The following FSIP2 variants were observed in gnomAD, a reference collection of about 807,000 sequenced individuals.
The protein encoded by FSIP2 is fibrous sheath-interacting protein 2.
Under a neutral mutation model 510.5 loss-of-function variants are expected in FSIP2, and 367 were observed. That is an observed-to-expected ratio of 0.72 (90% confidence interval 0.66 to 0.78). The LOEUF (loss-of-function observed/expected upper bound fraction) is 0.78, where lower values mean the gene tolerates loss of function less well. Among genes scored for constraint, FSIP2 ranks in the 30% least tolerant of loss-of-function variants. FSIP2 has a pLI of 0.00. For synonymous variants in FSIP2, 2,601 were observed against 2,732.2 expected, an observed-to-expected ratio of 0.95 and a Z score of 1.50; for missense variants, 7,594 against 7,901.7, an observed-to-expected ratio of 0.96 and a Z score of 1.48.
intron 6 of FSIP2, 66 bp from the exon 7 acceptor site, chr2:185,747,247 G>A: frequency 1.1e-6 from 1 of 911,510 alleles, no homozygotes; most frequent in Non-Finnish European, 1.7e-6. Flanking sequence ...TTTTTGGTGG[G>A]ACAAAATACA....
Position 185,790,958 on chromosome 2 carries a change from T to G in FSIP2, c.3822T>G (p.Phe1274Leu), listed in dbSNP as rs1466972312. The change falls in exon 16 of 23, where the codon TTT (phenylalanine) becomes TTG (leucine). Residue 1274 changes from phenylalanine to leucine, a missense_variant. Phe to Leu is a conservative substitution (Grantham distance 22). Transcript: ENST00000424728. ...CAATTTTTAAAAGACTGAAGTCATT[T>G]ATTTGTCCAAAATTGCATATGGGCT... ...IRTIFKRLKS[F>L]ICPKLHMGFK... 2 of 1,526,454 alleles carry G rather than the reference T, an allele frequency of 1.3e-6. No individual in the cohort carries two copies. The highest frequency in any genetic ancestry group is 4.9e-5 in the East Asian group (2 of 40,788). The allele number at this position is 1,526,454 out of a possible 1,614,324, so 94.6% of individuals were successfully genotyped here.
intron 17 of FSIP2, among the ~76,000 whole-genome samples, chr2:185,812,221 G>T: frequency 6.6e-6 from 1 of 152,058 alleles, no homozygotes; most frequent in East Asian, 1.9e-4. Flanking sequence ...GGCCTTGAGA[G>T]CCCCACCCCT....
Position 185,806,481 on chromosome 2 carries a change from G to A in FSIP2, c.17175G>A (p.Ser5725=), listed in dbSNP as rs371077576. The A allele has an allele frequency of 2.9e-5, 46 of 1,609,376 alleles. No individual in the cohort carries two copies. Among genetic ancestry groups the A allele is most frequent in the South Asian group, 1.7e-4 (15 of 90,456 alleles). Residue 5725 remains serine, a synonymous_variant, in exon 17 of 23, where the codon TCG becomes TCA. Coordinates refer to ENST00000424728, the MANE Select transcript of FSIP2 (RefSeq NM_173651.4). ...LNVIQEISRD[S]AQSVTTKKVS... is the part of the protein sequence containing the mutation. ...TAATTCAAGAGATTAGCAGGGATTC[G>A]GCACAGTCTGTTACAACAAAAAAAG... is the stretch of plus-strand genomic sequence containing the variant.
intron 21 of FSIP2, among the ~76,000 whole-genome samples, chr2:185,831,286 T>C (rs1175707023): frequency 6.6e-6 from 1 of 151,828 alleles, no homozygotes; most frequent in Non-Finnish European, 1.5e-5. Context: ...ATTGCTGCTC[T>C]TGCATTCAAA....
intron 13 of FSIP2, among the ~76,000 whole-genome samples, chr2:185,769,396 T>C (rs1018784997): frequency 2.0e-5 from 3 of 152,236 alleles, no homozygotes; most frequent in African/African-American, 7.2e-5. Context: ...TATTGGGCTT[T>C]TTTAAATATG....
chr2:185,813,295 C>T (rs1368192726), intron 17 of FSIP2, among the ~76,000 whole-genome samples: 2 of 151,930 alleles, frequency 1.3e-5, no homozygotes, highest in Non-Finnish European at 1.5e-5. Context: ...CTAAACCTTG[C>T]TCTGACTTTT....
chr2:185,770,200 A>G (rs11902553), intron 13 of FSIP2, among the ~76,000 whole-genome samples: 6,817 of 152,262 alleles, frequency 0.045, 504 homozygotes, highest in African/African-American at 0.16. Flanking sequence ...CTTCCTATCT[A>G]TGAGCATAGT....
chr2:185,782,837 G>C lies in FSIP2; in HGVS notation c.1469+75G>C. 10 of 786,744 alleles carry C rather than the reference G, an allele frequency of 1.3e-5. No individual in the cohort carries two copies. The South Asian group carries it at 1.4e-4, about 11-fold the overall frequency. 48.7% of individuals were successfully genotyped at this position (786,744 alleles called of 1,614,324 possible). A position where few individuals can be genotyped will look rare whatever the true frequency, so the allele number is the denominator to read the frequency against. On this transcript the variant is annotated intron_variant, in intron 14 of 22. Coordinates refer to ENST00000424728, the MANE Select transcript of FSIP2 (RefSeq NM_173651.4). The stretch of plus-strand genomic sequence containing the variant: ...ATAAGAGTGCTGCTCATAAGCAAAT[G>C]ATTCCATGGAATCCTCCATTTTTAT...
In FSIP2 at chr2:185,833,107, G is replaced by A. The variant is rs200569854; in HGVS notation, c.20605G>A (p.Val6869Ile). The change falls in exon 23 of 23, where the codon GTC becomes ATC. Residue 6869 changes from valine to isoleucine, a missense_variant. By Grantham distance (29) the Val-to-Ile change is conservative. Transcript: ENST00000424728. The part of the protein sequence containing the change: ...EVISETPKPD[V>I]SKQGSKMLTK... Reference sequence around the variant, plus strand: ...GTCCACAGAAACTCCCAAGCCCGATGTCTCCAAACAAGGATCTAAAATGCT... The same window carrying A: ...GTCCACAGAAACTCCCAAGCCCGATATCTCCAAACAAGGATCTAAAATGCT... The A allele has an allele frequency of 8.2e-5, 132 of 1,610,740 alleles. No homozygotes were observed. The highest frequency in any genetic ancestry group is 5.0e-4 in the Middle Eastern group (3 of 6,030).
chr2:185,778,863 G>T (rs1692782199), intron 13 of FSIP2, among the ~76,000 whole-genome samples: 1 of 151,574 alleles, frequency 6.6e-6, no homozygotes, highest in Admixed American at 6.6e-5. Flanking sequence ...AATGATAGTG[G>T]GCTTGCAAAC....
chr2:185,760,408 GA>G (rs11428864), intron 9 of FSIP2, among the ~76,000 whole-genome samples: 12 of 144,228 alleles, frequency 8.3e-5, no homozygotes, highest in African/African-American at 2.8e-4. Flanking sequence ...CAGTAAAAAT[GA>G]AAAAAAAATG....
Position 185,788,789 on chromosome 2 carries a change from C to A in FSIP2, c.1653C>A (p.Leu551=), listed in dbSNP as rs947229213. Residue 551 remains leucine, a synonymous_variant, in exon 16 of 23, where the codon CTC becomes CTA. Transcript: ENST00000424728. ...NTYPVSDDSI[L]SSDSSSFCST... ...ACCCAGTATCTGATGACTCCATCCT[C>A]TCTTCAGATAGTTCAAGTTTCTGTA... is the stretch of plus-strand genomic sequence containing the variant. 1 of 1,534,374 alleles carries A rather than the reference C, an allele frequency of 6.5e-7. No individual in the cohort carries two copies. Among genetic ancestry groups the A allele is most frequent in the Admixed American group, 2.0e-5 (1 of 50,866 alleles).
In FSIP2 at chr2:185,743,309, A is replaced by G; in HGVS notation, c.387+15A>G. The G allele has an allele frequency of 6.8e-7, 1 of 1,462,780 alleles. No homozygotes were observed. Among genetic ancestry groups the G allele is most frequent in the Non-Finnish European group, 9.0e-7 (1 of 1,112,992 alleles). The allele number at this position is 1,462,780 out of a possible 1,614,324, so 90.6% of individuals were successfully genotyped here. ...GCAATAATAAAGTGGGTTGAAAATTACTTCTTTTTTTAATCAATGAAACCC... is the reference window on the plus strand; with the variant it reads ...GCAATAATAAAGTGGGTTGAAAATTGCTTCTTTTTTTAATCAATGAAACCC... On this transcript the variant is annotated intron_variant, in intron 3 of 22. Coordinates refer to ENST00000424728, the MANE Select transcript of FSIP2 (RefSeq NM_173651.4).
Position 185,796,404 on chromosome 2 carries a change from CT to C in FSIP2, c.9270del (p.Ala3091LeufsTer2). The C allele has an allele frequency of 6.5e-7, 1 of 1,533,704 alleles. No individual in the cohort carries two copies. The highest frequency in any genetic ancestry group is 1.2e-5 in the South Asian group (1 of 83,928). On this transcript the variant is annotated frameshift_variant, in exon 16 of 23. Coordinates refer to ENST00000424728, the MANE Select transcript of FSIP2 (RefSeq NM_173651.4). LOFTEE classifies it high-confidence loss of function. ...TGCTGTTAATATCATCAGTGACATG[CT>C]TGCTGTAATTAAGAACAAGCTAGAC... ...TYAVNIISDM[L>X]AVIKNKLDNE...
chr2:185,794,593 C>T lies in FSIP2; in HGVS notation c.7457C>T (p.Ala2486Val). 6.5e-7 allele frequency: 1 copy of T among 1,531,812 alleles called. No homozygotes were observed. The allele number at this position is 1,531,812 out of a possible 1,614,324, so 94.9% of individuals were successfully genotyped here. A position where few individuals can be genotyped will look rare whatever the true frequency, so the allele number is the denominator to read the frequency against. ...KNKEKGELLI[A>V]VEELLNKLYQ... Reference sequence around the variant, plus strand: ...AAAGAAAAAGGTGAACTGCTCATTGCAGTGGAAGAACTTTTGAATAAGTTG... The same window carrying T: ...AAAGAAAAAGGTGAACTGCTCATTGTAGTGGAAGAACTTTTGAATAAGTTG... The change falls in exon 16 of 23, where the codon GCA (alanine) becomes GTA (valine). Residue 2486 changes from alanine to valine, a missense_variant. Ala to Val is a moderately conservative substitution (Grantham distance 64). Coordinates refer to ENST00000424728, the MANE Select transcript of FSIP2 (RefSeq NM_173651.4).
At position 185,794,311 on chromosome 2, in the gene FSIP2, T is replaced by C. The variant is rs1338434742; in HGVS notation, c.7175T>C (p.Ile2392Thr). ...LFQENIIVSE[I>T]VDSMLKMLDD... ...CAAGAAAACATCATTGTGAGTGAAA[T>C]TGTTGACAGTATGTTAAAGATGTTA... Residue 2392 changes from isoleucine (I) to threonine (T), a missense_variant, in exon 16 of 23, where the codon ATT (isoleucine) becomes ACT (threonine). By Grantham distance (89) the Ile-to-Thr change is moderately conservative. Coordinates refer to ENST00000424728, the MANE Select transcript of FSIP2 (RefSeq NM_173651.4). The C allele has an allele frequency of 2.0e-6, 3 of 1,523,308 alleles. No individual in the cohort carries two copies. Among genetic ancestry groups the C allele is most frequent in the Admixed American group, 2.0e-5 (1 of 49,100 alleles). 94.4% of individuals were successfully genotyped at this position (1,523,308 alleles called of 1,614,324 possible). A position where few individuals can be genotyped will look rare whatever the true frequency, so the allele number is the denominator to read the frequency against.
In FSIP2 at chr2:185,790,371, G is replaced by C. The variant is rs1330033403; in HGVS notation, c.3235G>C (p.Asp1079His). ...KTEPPSTNHEDILKKKLSSNK... is the reference protein window; with the variant it reads ...KTEPPSTNHEHILKKKLSSNK... ...TGAGCCACCATCTACTAATCATGAA[G>C]ATATTTTAAAGAAAAAACTTTCTTC... is the stretch of plus-strand genomic sequence containing the variant. Residue 1079 changes from aspartate (D) to histidine (H), a missense_variant, in exon 16 of 23, where the codon GAT (aspartate) becomes CAT (histidine). Transcript: ENST00000424728. The C allele has an allele frequency of 6.5e-7, 1 of 1,528,816 alleles. No individual in the cohort carries two copies. Among genetic ancestry groups the C allele is most frequent in the East Asian group, 2.4e-5 (1 of 40,830 alleles). 94.7% of individuals were successfully genotyped at this position (1,528,816 alleles called of 1,614,324 possible).
At chr2:185,739,937 T>G (rs928679259) in intron 2 of FSIP2, among the ~76,000 whole-genome samples, 3 of 152,050 alleles carry the variant, frequency 2.0e-5, no homozygotes, top group African/African-American at 7.2e-5. Flanking sequence ...AAAAAAGAAC[T>G]GAAACAGTGG....
In FSIP2 at chr2:185,804,562, C is replaced by A; in HGVS notation, c.15256C>A (p.Pro5086Thr). 1 of 1,530,510 alleles carries A rather than the reference C, an allele frequency of 6.5e-7. No homozygotes were observed. Among genetic ancestry groups the A allele is most frequent in the South Asian group, 1.2e-5 (1 of 83,060 alleles). 94.8% of individuals were successfully genotyped at this position (1,530,510 alleles called of 1,614,324 possible). ...ATTAGAGTCTTCTTCTTATTCGTAT[C>A]CCCAAGCTGATAATATCATCAGAAA... The part of the protein sequence containing the change: ...GELESSSYSY[P>T]QADNIIRNVL... The change falls in exon 17 of 23, where the codon CCC (proline) becomes ACC (threonine). Residue 5086 changes from proline to threonine, a missense_variant. Physicochemically the swap from Pro to Thr is conservative, Grantham distance 38. Transcript: ENST00000424728.
Sources: gnomAD v4.1 joint callset for allele counts (sites outside exome capture counted in the v4.1 genomes callset) on GRCh38, gnomAD v4.1.1 for gene constraint, MANE v1.5 for transcripts, NCBI Gene and HGNC (gene_info 2026-07-23, HGNC 2026-07-21) for gene names.